The following CCDC62 variants were observed in gnomAD, a reference collection of about 807,000 sequenced individuals.
CCDC62 encodes the protein coiled-coil domain-containing protein 62.
A neutral mutation model predicts 80.8 loss-of-function variants in CCDC62; 72 were observed. That is an observed-to-expected ratio of 0.89 (90% confidence interval 0.74 to 1.08). The LOEUF (loss-of-function observed/expected upper bound fraction) is 1.08. Ranked by LOEUF, CCDC62 falls within the 50% of genes least tolerant of loss-of-function variation. CCDC62 has a pLI of 0.00. For missense variants in CCDC62, 704 were observed against 809.4 expected, an observed-to-expected ratio of 0.87 and a Z score of 1.58; for synonymous variants, 286 against 296.5, an observed-to-expected ratio of 0.96 and a Z score of 0.36.
rs901752012 is a variant in CCDC62, at chr12:122,825,704, AGCTGGGC to A, written c.*41-715_*41-709del. Reference sequence around the variant, plus strand: ...GTTTTATAAAAGTTTTACATGGGGTAGCTGGGCGCGGTGGCTCACACCTGTAATCTCA... The same window carrying A: ...GTTTTATAAAAGTTTTACATGGGGTAGCGGTGGCTCACACCTGTAATCTCA... On this transcript the variant is annotated intron_variant, in intron 12 of 12. Transcript: ENST00000253079. Among the ~76,000 whole-genome samples the A allele has an allele frequency of 3.3e-5, 5 of 149,624 alleles. 1 individual carries two copies. Among genetic ancestry groups the A allele is most frequent in the Admixed American group, 2.0e-4 (3 of 15,018 alleles).
Position 122,781,217 on chromosome 12 carries a change from G to A in CCDC62, c.283G>A (p.Ala95Thr), listed in dbSNP as rs774139244. Residue 95 changes from alanine to threonine, a missense_variant, in exon 3 of 13, where the codon GCT becomes ACT. Coordinates refer to ENST00000253079, the MANE Select transcript of CCDC62 (RefSeq NM_201435.5). Reference sequence around the variant, plus strand: ...CAGGTCACTCACGAAGAAGGTAAAAGCTCTTGAATCCAATCAAATGGAATG... The same window carrying A: ...CAGGTCACTCACGAAGAAGGTAAAAACTCTTGAATCCAATCAAATGGAATG... ...IIRSLTKKVK[A>T]LESNQMECQT... 3.1e-6 allele frequency: 5 copies of A among 1,613,992 alleles called. No individual in the cohort carries two copies. In the African/African-American group the frequency reaches 4.0e-5, roughly 13 times the overall value.
intron 11 of CCDC62, among the ~76,000 whole-genome samples, chr12:122,818,976 C>G (rs1228695629): frequency 6.6e-6 from 1 of 152,136 alleles, no homozygotes; most frequent in Non-Finnish European, 1.5e-5. Flanking sequence ...GAAGAGATAT[C>G]TAATTCCAAC....
rs374651077 is a variant in CCDC62, at chr12:122,801,423, C to T, written c.1277C>T (p.Thr426Ile). The T allele has an allele frequency of 5.0e-6, 8 of 1,613,988 alleles. No homozygotes were observed. In the African/African-American group the frequency reaches 1.1e-4, roughly 22 times the overall value. ...CAGATTGAACCCGAAAACAAAATTA[C>T]ATTGTGCAAGATCCACACAAAATCA... ...KTQIEPENKI[T>I]LCKIHTKSPK... The change falls in exon 9 of 13, where the codon ACA becomes ATA. Residue 426 changes from threonine (T) to isoleucine (I), a missense_variant. Transcript: ENST00000253079.
At position 122,785,856 on chromosome 12, in the gene CCDC62, T is replaced by G. The variant is rs767637254; in HGVS notation, c.498+36T>G. 7 of 1,350,350 alleles carry G rather than the reference T, an allele frequency of 5.2e-6. No individual in the cohort carries two copies. The Admixed American group carries it at 8.4e-5, about 16-fold the overall frequency. 83.6% of individuals were successfully genotyped at this position (1,350,350 alleles called of 1,614,324 possible). A position where few individuals can be genotyped will look rare whatever the true frequency, so the allele number is the denominator to read the frequency against. On this transcript the variant is annotated intron_variant, in intron 4 of 12. Coordinates refer to ENST00000253079, the MANE Select transcript of CCDC62 (RefSeq NM_201435.5). ...ATAAGAATTCCTCCATTTGCCAGAGTGCTTGGTAGTTATATCCATATTCAT... is the reference window on the plus strand; with the variant it reads ...ATAAGAATTCCTCCATTTGCCAGAGGGCTTGGTAGTTATATCCATATTCAT...
At chr12:122,817,467 G>T (rs2032217982) in intron 11 of CCDC62, among the ~76,000 whole-genome samples, 1 of 151,966 alleles carries the variant, frequency 6.6e-6, no homozygotes, top group South Asian at 2.1e-4. Flanking sequence ...TGGGATTACA[G>T]GTGTGAGCCA....
chr12:122,775,330 A>C (rs1246700313), intron 1 of CCDC62, among the ~76,000 whole-genome samples: 1 of 152,134 alleles, frequency 6.6e-6, no homozygotes, highest in African/African-American at 2.4e-5. Context: ...TCACAACTCC[A>C]CTGTACCAAA....
chr12:122,795,456 C>T (rs946525427), intron 6 of CCDC62, among the ~76,000 whole-genome samples: 2 of 149,956 alleles, frequency 1.3e-5, no homozygotes, highest in African/African-American at 2.5e-5. Context: ...GACGGAGTCT[C>T]GCTGTCGCCC....
At chr12:122,826,309 G>T in intron 12 of CCDC62, 113 bp from the exon 13 acceptor site, 9 of 378,012 alleles carry the variant, frequency 2.4e-5, no homozygotes, top group East Asian at 6.9e-5. Context: ...TCCTGATGTT[G>T]ATGAAAATCA....
At chr12:122,777,059 A>G (rs1879504595) in intron 1 of CCDC62, 2 of 155,960 alleles carry the variant, frequency 1.3e-5, no homozygotes, top group South Asian at 3.8e-4. Flanking sequence ...ACCTCCCAAA[A>G]TGCTGGAATT....
chr12:122,826,447 A>G lies in CCDC62; in HGVS notation c.*66A>G, dbSNP rs747430347. 3.8e-6 allele frequency: 3 copies of G among 780,292 alleles called. No individual in the cohort carries two copies. In the African/African-American group the frequency reaches 5.1e-5, roughly 13 times the overall value. 48.3% of individuals were successfully genotyped at this position (780,292 alleles called of 1,614,324 possible). On this transcript the variant is annotated 3_prime_UTR_variant, in exon 13 of 13. Transcript: ENST00000253079. The stretch of plus-strand genomic sequence containing the variant: ...ATTTCTCATCTATGTGGAAGGCAGA[A>G]AGCAGACACCAATACTGAATGAATA...
chr12:122,823,151 G>A (rs969935388), intron 11 of CCDC62, among the ~76,000 whole-genome samples: 4 of 152,132 alleles, frequency 2.6e-5, no homozygotes, highest in African/African-American at 9.7e-5. Context: ...GGTAGAGATG[G>A]GGTTTTGCCA....
Position 122,774,690 on chromosome 12 carries a change from T to TA in CCDC62, c.20_21insA (p.Phe7LeufsTer13). 1 of 1,256,818 alleles carries TA rather than the reference T, an allele frequency of 8.0e-7. No homozygotes were observed. The highest frequency in any genetic ancestry group is 1.0e-6 in the Non-Finnish European group (1 of 991,706). 77.9% of individuals were successfully genotyped at this position (1,256,818 alleles called of 1,614,324 possible). The stretch of plus-strand genomic sequence containing the variant: ...ACACCTATGAACCCTCCGGCAGCCT[T>TA]CCTTGCCGGGCGCCAGGTAAGCAGC... On this transcript the variant is annotated frameshift_variant, in exon 1 of 13. Transcript: ENST00000253079. LOFTEE classifies it high-confidence loss of function.
intron 2 of CCDC62, among the ~76,000 whole-genome samples, chr12:122,780,140 T>C (rs1281231306): frequency 1.4e-5 from 2 of 148,026 alleles, no homozygotes; most frequent in African/African-American, 5.0e-5. Context: ...TGAAACCCCA[T>C]CTCTACTAAA....
chr12:122,780,618 A>ATAAAG (rs1302970952), intron 2 of CCDC62, among the ~76,000 whole-genome samples: 2 of 89,180 alleles, frequency 2.2e-5, no homozygotes, highest in African/African-American at 1.5e-4. Flanking sequence ...TGTCTCAAAA[A>ATAAAG]TAAAATAAAA....
At chr12:122,785,299 A>T (rs769091314) in intron 3 of CCDC62, among the ~76,000 whole-genome samples, 8 of 152,240 alleles carry the variant, frequency 5.3e-5, no homozygotes, top group Non-Finnish European at 1.2e-4. Flanking sequence ...TTTTAAATTC[A>T]CACAATTCAC....
intron 12 of CCDC62, among the ~76,000 whole-genome samples, chr12:122,825,832 C>CAAAA (rs111491915): frequency 7.0e-6 from 1 of 142,736 alleles, no homozygotes; most frequent in Non-Finnish European, 1.5e-5. Context: ...CTAAAAATAC[C>CAAAA]AAAAAAAAAA....
chr12:122,813,504 G>A lies in CCDC62; in HGVS notation c.2001+85G>A, dbSNP rs147213027. ...AGTGTGCAAATATCACCGGCAGGGC[G>A]GCCTTTCTGTTAGAGGGAGAGTTTC... On this transcript the variant is annotated intron_variant, in intron 11 of 12. Coordinates refer to ENST00000253079, the MANE Select transcript of CCDC62 (RefSeq NM_201435.5). 3.9e-4 allele frequency: 517 copies of A among 1,327,776 alleles called. 3 individuals carry two copies. The African/African-American group carries it at 5.4e-3, about 14-fold the overall frequency. 82.2% of individuals were successfully genotyped at this position (1,327,776 alleles called of 1,614,324 possible).
At position 122,801,434 on chromosome 12, in the gene CCDC62, A is replaced by T. The variant is rs757923046; in HGVS notation, c.1288A>T (p.Ile430Phe). 6.2e-7 allele frequency: 1 copy of T among 1,614,050 alleles called. No homozygotes were observed. Among genetic ancestry groups the T allele is most frequent in the Admixed American group, 1.7e-5 (1 of 59,986 alleles). The change falls in exon 9 of 13, where the codon ATC (isoleucine) becomes TTC (phenylalanine). Residue 430 changes from isoleucine to phenylalanine, a missense_variant. Coordinates refer to ENST00000253079, the MANE Select transcript of CCDC62 (RefSeq NM_201435.5). The part of the protein sequence containing the change: ...EPENKITLCK[I>F]HTKSPKCHGT... ...CGAAAACAAAATTACATTGTGCAAG[A>T]TCCACACAAAATCACCAAAATGTCA...
At position 122,801,530 on chromosome 12, in the gene CCDC62, CATG is replaced by C; in HGVS notation, c.1388_1390del (p.Asp463del). ...CACTTTATCTGATGAGAAGCAGTGG[CATG>C]ATGTCAGTGTTTACCTGGGCCTGAC... On this transcript the variant is annotated inframe_deletion, in exon 9 of 13. Coordinates refer to ENST00000253079, the MANE Select transcript of CCDC62 (RefSeq NM_201435.5). 6.2e-7 allele frequency: 1 copy of C among 1,614,136 alleles called. No homozygotes were observed. Among genetic ancestry groups the C allele is most frequent in the Non-Finnish European group, 8.5e-7 (1 of 1,180,008 alleles).
Sources: gnomAD v4.1 joint callset for allele counts (sites outside exome capture counted in the v4.1 genomes callset) on GRCh38, gnomAD v4.1.1 for gene constraint, MANE v1.5 for transcripts, NCBI Gene and HGNC (gene_info 2026-07-23, HGNC 2026-07-21) for gene names.